The following MMS22L variants were observed in gnomAD, a reference collection of about 807,000 sequenced individuals.
MMS22L encodes the protein protein MMS22-like.
Under a neutral mutation model 159.1 loss-of-function variants are expected in MMS22L, and 74 were observed. The ratio of observed to expected loss-of-function variants is 0.47; its 90% CI spans 0.39 to 0.56. The LOEUF is 0.56. Ranked by LOEUF, MMS22L falls within the 20% of genes least tolerant of loss-of-function variation. MMS22L has a pLI of 0.00. For synonymous variants in MMS22L, 517 were observed against 506.9 expected, an observed-to-expected ratio of 1.02 and a Z score of -0.27; for missense variants, 1,351 against 1,422.1, an observed-to-expected ratio of 0.95 and a Z score of 0.80.
At chr6:97,152,103 A>G (rs1235605941) in intron 22 of MMS22L, among the ~76,000 whole-genome samples, 1 of 152,214 alleles carries the variant, frequency 6.6e-6, no homozygotes, top group East Asian at 1.9e-4. Context: ...GAAATAATAC[A>G]TGAAGACCTA....
intron 4 of MMS22L, among the ~76,000 whole-genome samples, chr6:97,275,483 C>T (rs1228880972): frequency 1.3e-5 from 2 of 152,240 alleles, no homozygotes; most frequent in Non-Finnish European, 1.5e-5. Context: ...GCCGAGATGG[C>T]GCCACTGCAC....
chr6:97,204,166 T>A (rs1209285618), intron 14 of MMS22L, among the ~76,000 whole-genome samples: 1 of 152,194 alleles, frequency 6.6e-6, no homozygotes, highest in African/African-American at 2.4e-5. Flanking sequence ...TATTTTTTTA[T>A]AAAACAGGAT....
At chr6:97,232,928 A>T (rs1309727962) in intron 12 of MMS22L, among the ~76,000 whole-genome samples, 2 of 152,036 alleles carry the variant, frequency 1.3e-5, no homozygotes, top group Non-Finnish European at 1.5e-5. Flanking sequence ...TCTACCTTTA[A>T]ATTTTCAATC....
intron 22 of MMS22L, among the ~76,000 whole-genome samples, chr6:97,159,704 G>A (rs1033500532): frequency 3.3e-5 from 5 of 151,848 alleles, no homozygotes; most frequent in Admixed American, 6.6e-5. Flanking sequence ...CTGACTTCAT[G>A]TGACAAGTTG....
intron 14 of MMS22L, among the ~76,000 whole-genome samples, chr6:97,201,426 G>C (rs991829458): frequency 1.6e-4 from 24 of 152,238 alleles, no homozygotes; most frequent in African/African-American, 5.8e-4. Context: ...CTGTCATTCA[G>C]GAAGAACTGC....
chr6:97,174,263 A>T (rs1012298781), intron 18 of MMS22L, among the ~76,000 whole-genome samples: 2 of 150,692 alleles, frequency 1.3e-5, no homozygotes, highest in African/African-American at 4.9e-5. Flanking sequence ...AAAAAAATAA[A>T]AAAAAAAAAA....
At chr6:97,233,709 A>G in intron 12 of MMS22L, 152 bp downstream of exon 12, 2 of 667,048 alleles carry the variant, frequency 3.0e-6, no homozygotes, top group Non-Finnish European at 2.3e-6. Context: ...TGTTAAAGAT[A>G]AAACTATTCA....
intron 10 of MMS22L, among the ~76,000 whole-genome samples, chr6:97,249,635 T>C (rs560914063): frequency 1.3e-4 from 20 of 152,084 alleles, no homozygotes; most frequent in Non-Finnish European, 2.6e-4. Context: ...AGAAAGGTCA[T>C]GTATGTACAA....
intron 19 of MMS22L, among the ~76,000 whole-genome samples, chr6:97,170,982 G>A (rs956131046): frequency 6.6e-6 from 1 of 152,060 alleles, no homozygotes; most frequent in Admixed American, 6.6e-5. Context: ...CTTCAGCATA[G>A]GTGACAGAGG....
At chr6:97,233,213 G>A (rs1217775304) in intron 12 of MMS22L, among the ~76,000 whole-genome samples, 2 of 152,020 alleles carry the variant, frequency 1.3e-5, no homozygotes, top group Non-Finnish European at 2.9e-5. Context: ...CCTATCTTCG[G>A]TCTCTCCATA....
At chr6:97,187,643 T>G (rs1305838660) in intron 14 of MMS22L, among the ~76,000 whole-genome samples, 1 of 152,156 alleles carries the variant, frequency 6.6e-6, no homozygotes, top group African/African-American at 2.4e-5. Flanking sequence ...AAGACTTCCT[T>G]TAATAGAGAT....
intron 23 of MMS22L, among the ~76,000 whole-genome samples, chr6:97,150,825 G>A (rs1801248944): frequency 6.6e-6 from 1 of 152,112 alleles, no homozygotes; most frequent in African/African-American, 2.4e-5. Context: ...GCAGAGATAG[G>A]AATAATAAAG....
At chr6:97,187,498 T>C (rs560713194) in intron 14 of MMS22L, among the ~76,000 whole-genome samples, 23 of 152,164 alleles carry the variant, frequency 1.5e-4, no homozygotes, top group Non-Finnish European at 2.9e-4. Flanking sequence ...TGTACAACCA[T>C]GCTATTATTC....
rs55884448 is a variant in MMS22L at position 97,153,651 on chromosome 6, G to A, written c.3386-1784C>T. Among the ~76,000 whole-genome samples the A allele has an allele frequency of 9.3e-3, 1,410 of 152,142 alleles. 21 individuals carry two copies. Among genetic ancestry groups the A allele is most frequent in the African/African-American group, 0.033 (1,352 of 41,504 alleles). The stretch of plus-strand genomic sequence containing the variant: ...CTCCCAAATTGCAGGAATTACAGGC[G>A]TAAGCCACCATGCCTAGACCTGTCT... On this transcript the variant is annotated intron_variant, in intron 22 of 24. Transcript: ENST00000683635.
At chr6:97,236,921 A>G (rs573196654) in intron 11 of MMS22L, among the ~76,000 whole-genome samples, 1 of 152,024 alleles carries the variant, frequency 6.6e-6, no homozygotes, top group South Asian at 2.1e-4. Context: ...ACTGCACTCC[A>G]GCCTGGGTGA....
chr6:97,193,713 T>C (rs1319739161), intron 14 of MMS22L, among the ~76,000 whole-genome samples: 1 of 152,224 alleles, frequency 6.6e-6, no homozygotes, highest in South Asian at 2.1e-4. Flanking sequence ...TTGTTTTTAA[T>C]TCCTGACGCA....
chr6:97,158,944 G>C (rs1005792496), intron 22 of MMS22L, among the ~76,000 whole-genome samples: 2 of 152,064 alleles, frequency 1.3e-5, no homozygotes, highest in African/African-American at 2.4e-5. Flanking sequence ...GGGAGTGTAA[G>C]TCTCTTTGTA....
In MMS22L at chr6:97,145,526, C is replaced by T. The variant is rs1223288182; in HGVS notation, c.*1280G>A. On this transcript the variant is annotated 3_prime_UTR_variant, in exon 25 of 25. Transcript: ENST00000683635. ...GAAAACATTGGAAAGTGGGATCATT[C>T]ATCTGGGACATATCATTAGAGAAAG... The T allele has an allele frequency of 6.6e-6, 1 of 152,144 alleles. No homozygotes were observed. Among genetic ancestry groups the T allele is most frequent in the Non-Finnish European group, 1.5e-5 (1 of 68,004 alleles). The allele number at this position is 152,144 out of a possible 1,614,324, so 9.4% of individuals were successfully genotyped here.
chr6:97,270,094 C>T, intron 6 of MMS22L, 102 bp from the exon 7 acceptor site: 1 of 845,910 alleles, frequency 1.2e-6, no homozygotes, highest in Non-Finnish European at 1.9e-6. Flanking sequence ...GGATAAAGAA[C>T]CAATTAACCT....
Sources: allele counts gnomAD v4.1 joint callset (sites outside exome capture counted in the v4.1 genomes callset), GRCh38; gene constraint gnomAD v4.1.1; transcripts MANE v1.5; gene names NCBI Gene and HGNC (gene_info 2026-07-23, HGNC 2026-07-21).